PARG: variants seen among roughly 807,000 people sequenced by gnomAD.
PARG encodes the protein mitochondrial poly(ADP-ribose) glycohydrolase.
A neutral mutation model predicts 113.0 loss-of-function variants in PARG; 35 were observed. The observed-to-expected ratio is 0.31, with a 90% CI of 0.24 to 0.41. PARG has a LOEUF of 0.41. Among genes scored for constraint, PARG ranks in the 10% least tolerant of loss-of-function variants. The pLI, the probability that PARG is intolerant of heterozygous loss-of-function variation, is 1.00. For missense variants in PARG, 797 were observed against 1,169.4 expected, an observed-to-expected ratio of 0.68 and a Z score of 4.64; for synonymous variants, 330 against 409.9, an observed-to-expected ratio of 0.81 and a Z score of 2.36.
intron 8 of PARG, among the ~76,000 whole-genome samples, chr10:49,880,772 C>T (rs1564629144): frequency 6.6e-6 from 1 of 152,072 alleles, no homozygotes; most frequent in Admixed American, 6.5e-5. Flanking sequence ...AACAAGAAAA[C>T]AGAGACCTTA....
chr10:49,878,087 C>G lies in PARG; in HGVS notation c.1988+1586G>C, dbSNP rs536169700. On this transcript the variant is annotated intron_variant, in intron 9 of 17. Transcript: ENST00000616448. Reference sequence around the variant, plus strand: ...CTGATACGGTGCACTGAGAAGGACACAGGATCATTTCTGTGGTATTCTCCC... The same window carrying G: ...CTGATACGGTGCACTGAGAAGGACAGAGGATCATTTCTGTGGTATTCTCCC... Among the ~76,000 whole-genome samples the G allele has an allele frequency of 3.3e-5, 5 of 152,138 alleles. No individual in the cohort carries two copies. In the East Asian group the frequency reaches 9.7e-4, roughly 29 times the overall value.
At chr10:49,919,091 C>T (rs1837657354) in intron 6 of PARG, among the ~76,000 whole-genome samples, 1 of 152,052 alleles carries the variant, frequency 6.6e-6, no homozygotes, top group Admixed American at 6.5e-5. Flanking sequence ...CAGGCACCCA[C>T]CACCGTGCCC....
intron 15 of PARG, among the ~76,000 whole-genome samples, chr10:49,838,031 C>A (rs1845029595): frequency 6.6e-6 from 1 of 152,162 alleles, no homozygotes. Context: ...ATGTAGGAGA[C>A]TATTCTAAAA....
At chr10:49,939,618 A>G (rs1465617179) in intron 1 of PARG, among the ~76,000 whole-genome samples, 17 of 152,298 alleles carry the variant, frequency 1.1e-4, no homozygotes, top group Admixed American at 7.8e-4. Context: ...ACCACAGAAT[A>G]AGGTTGAAAT....
chr10:49,823,005 G>C (rs1844180032), intron 16 of PARG, among the ~76,000 whole-genome samples: 1 of 152,184 alleles, frequency 6.6e-6, no homozygotes, highest in South Asian at 2.1e-4. Context: ...CCCTGTGCTA[G>C]AGGGGAAAAA....
At chr10:49,897,710 T>C (rs1461385260) in intron 7 of PARG, among the ~76,000 whole-genome samples, 2 of 152,196 alleles carry the variant, frequency 1.3e-5, no homozygotes, top group East Asian at 3.8e-4. Context: ...TTGTCCACAT[T>C]CAAAAACTTA....
At chr10:49,833,741 A>G (rs1196697735) in intron 15 of PARG, among the ~76,000 whole-genome samples, 1 of 152,122 alleles carries the variant, frequency 6.6e-6, no homozygotes, top group African/African-American at 2.4e-5. Flanking sequence ...TATTTTCTGA[A>G]GTGATCAGAC....
At chr10:49,936,018 C>A (rs1268341635) in intron 1 of PARG, among the ~76,000 whole-genome samples, 1 of 152,090 alleles carries the variant, frequency 6.6e-6, no homozygotes, top group Non-Finnish European at 1.5e-5. Flanking sequence ...AGCTACTAGT[C>A]CAGGTCAGTG....
chr10:49,856,924 G>A (rs372408785), intron 13 of PARG, among the ~76,000 whole-genome samples: 240 of 147,554 alleles, frequency 1.6e-3, no homozygotes, highest in South Asian at 6.4e-3. Flanking sequence ...CAGGAGAATC[G>A]CTTGAACCTG....
intron 16 of PARG, among the ~76,000 whole-genome samples, chr10:49,826,394 C>G (rs1844361383): frequency 6.6e-6 from 1 of 152,176 alleles, no homozygotes; most frequent in Admixed American, 6.5e-5. Flanking sequence ...TTCCCCAACT[C>G]CCTAACCACA....
At chr10:49,828,121 A>AAAAAAAAT (rs1844463616) in intron 16 of PARG, among the ~76,000 whole-genome samples, 1 of 146,978 alleles carries the variant, frequency 6.8e-6, no homozygotes, top group Non-Finnish European at 1.5e-5. Flanking sequence ...AAAAAAAAAA[A>AAAAAAAAT]AGCTCCTTCT....
Position 49,935,160 on chromosome 10 carries a change from T to C in PARG, c.218-18A>G, listed in dbSNP as rs1838687993. ...TTTGAAAACTATAAAAAAAAATGTA[T>C]ATTCATACATTCCTTCAAATATAAA... On this transcript the variant is annotated intron_variant, in intron 1 of 17. Coordinates refer to ENST00000616448, the MANE Select transcript of PARG (RefSeq NM_003631.5). The C allele has an allele frequency of 4.2e-6, 3 of 715,274 alleles. No individual in the cohort carries two copies. The highest frequency in any genetic ancestry group is 5.4e-5 in the East Asian group (2 of 37,150). The allele number at this position is 715,274 out of a possible 1,614,324, so 44.3% of individuals were successfully genotyped here.
chr10:49,920,463 A>T (rs374910199), intron 6 of PARG, among the ~76,000 whole-genome samples: 1,683 of 47,164 alleles, frequency 0.036, 79 homozygotes, highest in Non-Finnish European at 0.069. Context: ...AAAAAAAAAA[A>T]ATATATATAT....
intron 4 of PARG, among the ~76,000 whole-genome samples, chr10:49,924,607 C>T (rs1331992611): frequency 1.3e-5 from 2 of 149,880 alleles, no homozygotes; most frequent in Non-Finnish European, 3.0e-5. Context: ...TACACTAGTT[C>T]AGGCCATGAT....
intron 13 of PARG, among the ~76,000 whole-genome samples, chr10:49,853,563 A>C (rs1845856097): frequency 6.6e-6 from 1 of 152,168 alleles, no homozygotes; most frequent in Non-Finnish European, 1.5e-5. Flanking sequence ...GATAACTAAC[A>C]AATGCAGACA....
chr10:49,826,166 T>C (rs1287721608), intron 16 of PARG, among the ~76,000 whole-genome samples: 37 of 152,186 alleles, frequency 2.4e-4, no homozygotes, highest in East Asian at 1.9e-4. Flanking sequence ...ATGCACATTA[T>C]CATGCCAGAC....
At chr10:49,894,793 C>T (rs868931478) in intron 7 of PARG, among the ~76,000 whole-genome samples, 1 of 152,238 alleles carries the variant, frequency 6.6e-6, no homozygotes, top group Middle Eastern at 3.4e-3. Context: ...GACAAAGAAC[C>T]ACAAACCAGG....
intron 15 of PARG, among the ~76,000 whole-genome samples, chr10:49,833,998 A>G (rs534729326): frequency 6.6e-6 from 1 of 152,322 alleles, no homozygotes; most frequent in Non-Finnish European, 1.5e-5. Context: ...GTCTCGATGG[A>G]TTAACAAGGC....
intron 1 of PARG, among the ~76,000 whole-genome samples, chr10:49,937,470 T>C (rs1223343970): frequency 4.9e-5 from 7 of 144,148 alleles, no homozygotes; most frequent in African/African-American, 1.2e-4. Flanking sequence ...TGTGAGACTC[T>C]GTCTCAAAAA....
Sources: allele counts gnomAD v4.1 joint callset (sites outside exome capture counted in the v4.1 genomes callset), GRCh38; gene constraint gnomAD v4.1.1; transcripts MANE v1.5; gene names NCBI Gene and HGNC (gene_info 2026-07-23, HGNC 2026-07-21).